TSNARE1: variants seen among roughly 807,000 people sequenced by gnomAD.
TSNARE1 encodes t-SNARE domain-containing protein 1.
In TSNARE1, 49 loss-of-function variants were observed where a neutral mutation model predicts 62.0. The ratio of observed to expected loss-of-function variants is 0.79; its 90% CI spans 0.63 to 1.00. The LOEUF (loss-of-function observed/expected upper bound fraction) is 1.00. Among genes scored for constraint, TSNARE1 ranks in the 50% least tolerant of loss-of-function variants. The pLI is 0.00. For missense variants in TSNARE1, 755 were observed against 700.1 expected (o/e 1.08, Z -0.88); for synonymous variants, 328 against 294.4 (o/e 1.11, Z -1.17).
At chr8:142,265,134 G>GTGTGTGTGTGTGTGTA (rs1191082388) in intron 12 of TSNARE1, among the ~76,000 whole-genome samples, 1 of 151,906 alleles carries the variant, frequency 6.6e-6, no homozygotes, top group African/African-American at 2.4e-5. Context: ...TTGTGTGTGT[G>GTGTGTGTGTGTGTGTA]TGTAGTTCTA....
intron 12 of TSNARE1, among the ~76,000 whole-genome samples, chr8:142,272,371 TTCC>T (rs1819683721): frequency 6.7e-6 from 1 of 149,314 alleles, no homozygotes; most frequent in African/African-American, 2.5e-5. Flanking sequence ...CGTCTACACC[TTCC>T]TCCTTCCATC....
chr8:142,314,719 CCA>C (rs1409540746), intron 8 of TSNARE1, among the ~76,000 whole-genome samples: 1 of 152,236 alleles, frequency 6.6e-6, no homozygotes, highest in East Asian at 1.9e-4. Context: ...TCTCTGGGCC[CCA>C]GTTTCCTCAC....
chr8:142,261,045 G>T, intron 12 of TSNARE1, among the ~76,000 whole-genome samples: 1 of 136,702 alleles, frequency 7.3e-6, no homozygotes, highest in African/African-American at 2.8e-5. Context: ...AGAGGAGGGA[G>T]GAAGGAAAGA....
At chr8:142,351,202 C>T (rs1166873456) in intron 2 of TSNARE1, among the ~76,000 whole-genome samples, 1 of 152,186 alleles carries the variant, frequency 6.6e-6, no homozygotes, top group Non-Finnish European at 1.5e-5. Context: ...GGCTGTGACG[C>T]GTCTGAGTCT....
intron 12 of TSNARE1, among the ~76,000 whole-genome samples, chr8:142,236,597 GAATT>G (rs982992092): frequency 4.0e-5 from 6 of 150,972 alleles, no homozygotes; most frequent in East Asian, 3.9e-4. Flanking sequence ...ATAAATGAAT[GAATT>G]AATTAATTAA....
At chr8:142,296,013 A>G (rs576069685) in intron 10 of TSNARE1, among the ~76,000 whole-genome samples, 76 of 79,138 alleles carry the variant, frequency 9.6e-4, no homozygotes, top group African/African-American at 3.7e-3. Context: ...GAGGTCACTC[A>G]TGGGAGAGAG....
chr8:142,232,636 C>T (rs1000503532), intron 12 of TSNARE1, among the ~76,000 whole-genome samples: 2 of 152,348 alleles, frequency 1.3e-5, no homozygotes, highest in Middle Eastern at 3.4e-3. Flanking sequence ...CACTCTGCAG[C>T]TCCAGCCAGC....
intron 1 of TSNARE1, among the ~76,000 whole-genome samples, chr8:142,391,919 G>A (rs1218459079): frequency 1.3e-5 from 2 of 152,256 alleles, no homozygotes; most frequent in African/African-American, 2.4e-5. Context: ...GCACCACTCA[G>A]GCAGAGGCAC....
At chr8:142,388,119 A>C (rs1299372925) in intron 1 of TSNARE1, among the ~76,000 whole-genome samples, 1 of 152,204 alleles carries the variant, frequency 6.6e-6, no homozygotes, top group Admixed American at 6.5e-5. Context: ...CTTCGTTTGT[A>C]TAATTCACTA....
chr8:142,293,614 C>T (rs1824183236), intron 10 of TSNARE1, among the ~76,000 whole-genome samples: 2 of 152,238 alleles, frequency 1.3e-5, no homozygotes, highest in South Asian at 4.1e-4. Context: ...GTCTAGAAGA[C>T]ACCTGAGGCC....
intron 9 of TSNARE1, 44 bp from the exon 10 acceptor site, chr8:142,300,688 T>C: frequency 2.5e-6 from 4 of 1,578,322 alleles, no homozygotes; most frequent in Non-Finnish European, 3.5e-6. Flanking sequence ...CCCCTCCCAT[T>C]ACCACCACAA....
intron 12 of TSNARE1, chr8:142,270,299 G>T (rs919844689): frequency 3.0e-6 from 3 of 985,304 alleles, no homozygotes; most frequent in African/African-American, 3.5e-5. Context: ...CCCCCGCAGG[G>T]AGGCTGAAAG....
At chr8:142,351,886 C>T (rs1834133474) in intron 2 of TSNARE1, among the ~76,000 whole-genome samples, 1 of 152,194 alleles carries the variant, frequency 6.6e-6, no homozygotes. Flanking sequence ...AGCTTCCCCT[C>T]CACACTCACC....
chr8:142,248,792 G>A (rs1346018208), intron 12 of TSNARE1, among the ~76,000 whole-genome samples: 3 of 152,228 alleles, frequency 2.0e-5, no homozygotes, highest in East Asian at 1.9e-4. Flanking sequence ...CCCACCTGGA[G>A]GAACAGAGGC....
intron 12 of TSNARE1, among the ~76,000 whole-genome samples, chr8:142,264,904 T>G (rs1489057945): frequency 6.6e-6 from 1 of 152,230 alleles, no homozygotes; most frequent in African/African-American, 2.4e-5. Flanking sequence ...CACTGGACAG[T>G]TCCAAATGCT....
intron 12 of TSNARE1, among the ~76,000 whole-genome samples, chr8:142,242,026 A>C (rs200719613): frequency 2.7e-4 from 28 of 103,030 alleles, no homozygotes; most frequent in African/African-American, 4.9e-4. Context: ...CTCAAAATGG[A>C]TGGAAGACCG....
intron 12 of TSNARE1, chr8:142,269,477 C>G (rs989821965): frequency 1.0e-6 from 1 of 985,274 alleles, no homozygotes; most frequent in African/African-American, 1.7e-5. Flanking sequence ...GTCAGCCGTG[C>G]TGGGTATCTT....
At chr8:142,321,965 T>C (rs1196554748) in intron 6 of TSNARE1, among the ~76,000 whole-genome samples, 2 of 152,140 alleles carry the variant, frequency 1.3e-5, no homozygotes, top group African/African-American at 2.4e-5. Flanking sequence ...GAAACCCATA[T>C]ATCACTCACA....
At chr8:142,373,762 T>C (rs1236313485) in intron 1 of TSNARE1, among the ~76,000 whole-genome samples, 1 of 151,088 alleles carries the variant, frequency 6.6e-6, no homozygotes, top group African/African-American at 2.4e-5. Flanking sequence ...ACCTCCGGGA[T>C]CCAAGAAGAC....
Sources: gnomAD v4.1 joint callset for allele counts (sites outside exome capture counted in the v4.1 genomes callset) on GRCh38, gnomAD v4.1.1 for gene constraint, MANE v1.5 for transcripts, NCBI Gene and HGNC (gene_info 2026-07-23, HGNC 2026-07-21) for gene names.